Variants in PMF1 observed in about 807,000 individuals in gnomAD.
The protein encoded by PMF1 is polyamine-modulated factor 1.
Under a neutral mutation model 26.7 loss-of-function variants are expected in PMF1, and 21 were observed. That is an observed-to-expected ratio of 0.79 (90% confidence interval 0.56 to 1.13). PMF1 has a LOEUF of 1.13. Ranked by LOEUF, PMF1 falls within the 50% of genes most tolerant of loss-of-function variation. The pLI is 0.00. For synonymous variants in PMF1, 105 were observed against 101.0 expected, an observed-to-expected ratio of 1.04 and a Z score of -0.24; for missense variants, 266 against 254.9, an observed-to-expected ratio of 1.04 and a Z score of -0.30.
At chr1:156,231,767 A>G (rs1378212806) in intron 1 of PMF1, among the ~76,000 whole-genome samples, 1 of 152,224 alleles carries the variant, frequency 6.6e-6, no homozygotes, top group African/African-American at 2.4e-5. Flanking sequence ...TGTAACAAGA[A>G]GCCCCAAAGT....
rs1483759502 is a variant in PMF1 at position 156,236,357 on chromosome 1, C to T, written c.438C>T (p.Asp146=). Residue 146 remains aspartate (D), a synonymous_variant, in exon 4 of 5, where the codon GAC becomes GAT. Coordinates refer to ENST00000368277, the MANE Select transcript of PMF1 (RefSeq NM_007221.4). ...CACCCTACTTCCTGCAGCAACGGGA[C>T]ACCCTGCGGCGCCATGTGCAGAAAC... ...VMAPYFLQQR[D]TLRRHVQKQE... The T allele has an allele frequency of 6.2e-6, 10 of 1,614,110 alleles. No homozygotes were observed. Among genetic ancestry groups the T allele is most frequent in the Non-Finnish European group, 6.8e-6 (8 of 1,180,040 alleles).
chr1:156,231,216 CAAAAAAAAAAAAAAAA>C (rs71080753), intron 1 of PMF1, among the ~76,000 whole-genome samples: 7 of 48,396 alleles, frequency 1.4e-4, no homozygotes, highest in African/African-American at 1.7e-4. Flanking sequence ...GACTCCATCT[CAAAAAAAAAAAAAAAA>C]AAAAAAAAAA....
chr1:156,217,737 A>AAC (rs1347783326), intron 1 of PMF1, among the ~76,000 whole-genome samples: 9 of 152,250 alleles, frequency 5.9e-5, no homozygotes, highest in African/African-American at 1.9e-4. Flanking sequence ...CAAAAAAAAA[A>AAC]AAAAAACAAA....
chr1:156,220,840 TG>T (rs1442741253), intron 1 of PMF1: 2 of 151,988 alleles, frequency 1.3e-5, no homozygotes, highest in Non-Finnish European at 2.9e-5. Flanking sequence ...TTAGTAGAGA[TG>T]GGGTTTCACC....
intron 3 of PMF1, among the ~76,000 whole-genome samples, chr1:156,234,919 A>C (rs1658919185): frequency 6.6e-6 from 1 of 152,088 alleles, no homozygotes; most frequent in Middle Eastern, 3.2e-3. Context: ...CACCAAGTGC[A>C]AGGTGGAGAA....
intron 3 of PMF1, among the ~76,000 whole-genome samples, chr1:156,235,141 A>G (rs998701441): frequency 2.0e-5 from 3 of 147,018 alleles, no homozygotes; most frequent in Non-Finnish European, 3.0e-5. Context: ...TTTTTTTGAG[A>G]TGGAGTCTCA....
intron 1 of PMF1, among the ~76,000 whole-genome samples, chr1:156,222,494 C>T (rs1409354861): frequency 3.3e-5 from 5 of 152,124 alleles, no homozygotes; most frequent in South Asian, 2.1e-4. Context: ...GCGATTCTGC[C>T]GCGTCAGCCT....
At chr1:156,224,777 A>C (rs1306942950) in intron 1 of PMF1, among the ~76,000 whole-genome samples, 1 of 152,082 alleles carries the variant, frequency 6.6e-6, no homozygotes, top group African/African-American at 2.4e-5. Flanking sequence ...AAAAAAAAGA[A>C]AATAAAAAAG....
At chr1:156,237,806 G>A (rs11585822) in intron 4 of PMF1, among the ~76,000 whole-genome samples, 4,270 of 152,204 alleles carry the variant, frequency 0.028, 62 homozygotes, top group Non-Finnish European at 0.042. Flanking sequence ...GCCCAGGCTG[G>A]AGTGCAGTGA....
At chr1:156,225,565 T>A in intron 1 of PMF1, 1 of 1,547,580 alleles carries the variant, frequency 6.5e-7, no homozygotes, top group Non-Finnish European at 8.8e-7. Flanking sequence ...AGCTCTCCAC[T>A]CCTTCATTGG....
In PMF1 at chr1:156,239,890, C is replaced by T; in HGVS notation, c.*289C>T. ...GGTTCAGGTCAGCTCTGCCCCTCCG[C>T]CCCCCTCCTGCTGGTTCCCCAGCCC... is the stretch of plus-strand genomic sequence containing the variant. On this transcript the variant is annotated 3_prime_UTR_variant, in exon 5 of 5. Transcript: ENST00000368277. 2.6e-6 allele frequency: 1 copy of T among 386,406 alleles called. No individual in the cohort carries two copies. The highest frequency in any genetic ancestry group is 4.4e-5 in the East Asian group (1 of 22,642). The allele number at this position is 386,406 out of a possible 1,614,324, so 23.9% of individuals were successfully genotyped here.
intron 1 of PMF1, among the ~76,000 whole-genome samples, chr1:156,219,430 T>G (rs1241596618): frequency 6.6e-6 from 1 of 152,190 alleles, no homozygotes; most frequent in African/African-American, 2.4e-5. Flanking sequence ...CATTGCTTGA[T>G]GGAGCCCCCT....
rs1425902294 is a variant in PMF1, at chr1:156,239,740, C to G, written c.*139C>G. 1.4e-6 allele frequency: 1 copy of G among 718,284 alleles called. No individual in the cohort carries two copies. The highest frequency in any genetic ancestry group is 1.7e-5 in the African/African-American group (1 of 57,194). 44.5% of individuals were successfully genotyped at this position (718,284 alleles called of 1,614,324 possible). ...AGCAGTGATGGAATTTGCTGGAGGACTAGGCCAGAGCAAGCCTCACTGCCA... is the reference window on the plus strand; with the variant it reads ...AGCAGTGATGGAATTTGCTGGAGGAGTAGGCCAGAGCAAGCCTCACTGCCA... On this transcript the variant is annotated 3_prime_UTR_variant, in exon 5 of 5. Coordinates refer to ENST00000368277, the MANE Select transcript of PMF1 (RefSeq NM_007221.4).
At chr1:156,235,909 G>A (rs1572505752) in intron 3 of PMF1, among the ~76,000 whole-genome samples, 2 of 152,292 alleles carry the variant, frequency 1.3e-5, no homozygotes, top group East Asian at 3.9e-4. Context: ...TCACAGTCTG[G>A]TGGACTGGAT....
chr1:156,219,639 G>T (rs1657971580), intron 1 of PMF1, among the ~76,000 whole-genome samples: 1 of 152,156 alleles, frequency 6.6e-6, no homozygotes, highest in Non-Finnish European at 1.5e-5. Context: ...AGGCTGGAGT[G>T]CAGTGGCACA....
intron 4 of PMF1, among the ~76,000 whole-genome samples, chr1:156,237,938 T>C (rs921246496): frequency 1.3e-5 from 2 of 151,820 alleles, no homozygotes; most frequent in African/African-American, 4.8e-5. Context: ...CTGGTTAATT[T>C]TGTATTTTTA....
intron 3 of PMF1, among the ~76,000 whole-genome samples, chr1:156,234,866 C>T (rs1163458553): frequency 2.6e-5 from 4 of 152,000 alleles, no homozygotes; most frequent in Non-Finnish European, 5.9e-5. Context: ...CAAATACCTG[C>T]TCTCCTGGAG....
chr1:156,233,069 A>T (rs2758608), intron 2 of PMF1, among the ~76,000 whole-genome samples: 51,589 of 151,006 alleles, frequency 0.34, 8,860 homozygotes, highest in Non-Finnish European at 0.36. Flanking sequence ...GTAGACGTGC[A>T]CCCCCACGCC....
At chr1:156,228,291 T>C (rs112892640) in intron 1 of PMF1, among the ~76,000 whole-genome samples, 248 of 135,928 alleles carry the variant, frequency 1.8e-3, no homozygotes, top group African/African-American at 6.7e-3. Context: ...TTTTTTTTAG[T>C]GTATCACTTT....
Sources: allele counts gnomAD v4.1 joint callset (sites outside exome capture counted in the v4.1 genomes callset), GRCh38; gene constraint gnomAD v4.1.1; transcripts MANE v1.5; gene names NCBI Gene and HGNC (gene_info 2026-07-23, HGNC 2026-07-21).